CCDC186: variants seen among roughly 807,000 people sequenced by gnomAD.
CCDC186 encodes coiled-coil domain-containing protein 186.
Under a neutral mutation model 113.7 loss-of-function variants are expected in CCDC186, and 49 were observed. That is an observed-to-expected ratio of 0.43 (90% CI 0.34 to 0.55). CCDC186 has a LOEUF of 0.55. Ranked by LOEUF, CCDC186 falls within the 20% of genes least tolerant of loss-of-function variation. The probability of loss-of-function intolerance (pLI) is 0.02; values close to 1 mark genes in which losing one functional copy is unlikely to be tolerated. For missense variants in CCDC186, 890 were observed against 1,011.1 expected (o/e 0.88, Z 1.62); for synonymous variants, 355 against 345.8 (o/e 1.03, Z -0.30).
chr10:114,131,467 T>C (rs1319272952), intron 11 of CCDC186, 131 bp from the exon 12 acceptor site: 6 of 758,212 alleles, frequency 7.9e-6, no homozygotes, highest in African/African-American at 7.2e-5. Flanking sequence ...TTATCAGCTT[T>C]TGTTTACTTG....
chr10:114,170,707 T>A (rs2032468681), intron 1 of CCDC186, among the ~76,000 whole-genome samples: 1 of 152,170 alleles, frequency 6.6e-6, no homozygotes, highest in Non-Finnish European at 1.5e-5. Context: ...TTGAAAAGTT[T>A]GTTTTATGAG....
intron 9 of CCDC186, 75 bp downstream of exon 9, chr10:114,135,816 C>T: frequency 8.3e-7 from 1 of 1,209,902 alleles, no homozygotes; most frequent in Middle Eastern, 1.9e-4. Flanking sequence ...TTCCCCACCA[C>T]TTTAAAAATC....
In CCDC186 at chr10:114,124,826, A is replaced by T. The variant is rs2030837547; in HGVS notation, c.*317T>A. Reference sequence around the variant, plus strand: ...ACATTACATATTTTAAAGGGAAGAAATATGAACAAAGGGTTTTTTATAAAA... The same window carrying T: ...ACATTACATATTTTAAAGGGAAGAATTATGAACAAAGGGTTTTTTATAAAA... On this transcript the variant is annotated 3_prime_UTR_variant, in exon 16 of 16. Transcript: ENST00000369287. 4.4e-6 allele frequency: 1 copy of T among 226,676 alleles called. No individual in the cohort carries two copies. Among genetic ancestry groups the T allele is most frequent in the African/African-American group, 2.2e-5 (1 of 44,456 alleles). The allele number at this position is 226,676 out of a possible 1,614,324, so 14.0% of individuals were successfully genotyped here.
chr10:114,165,803 G>A (rs1420293409), intron 1 of CCDC186: 25 of 752,150 alleles, frequency 3.3e-5, no homozygotes, highest in South Asian at 6.0e-5. Flanking sequence ...GGCCAAGATC[G>A]TGCCATTGCA....
At chr10:114,125,462 A>C (rs892916708) in intron 15 of CCDC186, among the ~76,000 whole-genome samples, 2 of 152,188 alleles carry the variant, frequency 1.3e-5, no homozygotes, top group African/African-American at 4.8e-5. Context: ...GCATAAAATG[A>C]TTACTTACTA....
At chr10:114,136,290 T>C (rs777019773) in intron 7 of CCDC186, 44 bp from the exon 8 acceptor site, 2 of 1,434,770 alleles carry the variant, frequency 1.4e-6, no homozygotes, top group Non-Finnish European at 1.9e-6. Flanking sequence ...TTTTAACCCA[T>C]TTCCCGTTTG....
intron 1 of CCDC186, among the ~76,000 whole-genome samples, chr10:114,169,535 G>A (rs1467396592): frequency 4.6e-5 from 7 of 152,008 alleles, no homozygotes; most frequent in East Asian, 1.9e-4. Flanking sequence ...GAGCCCCTGC[G>A]CCCAGCCCAT....
At chr10:114,138,447 C>A (rs574926114) in intron 6 of CCDC186, among the ~76,000 whole-genome samples, 2 of 151,534 alleles carry the variant, frequency 1.3e-5, no homozygotes, top group Admixed American at 1.3e-4. Flanking sequence ...GTATGTGCCA[C>A]CACATTCAGC....
At chr10:114,138,387 G>A (rs191445142) in intron 6 of CCDC186, among the ~76,000 whole-genome samples, 1 of 148,424 alleles carries the variant, frequency 6.7e-6, no homozygotes, top group Non-Finnish European at 1.5e-5. Context: ...TCCGCCTCCT[G>A]GGTTCAAGTG....
chr10:114,153,034 C>T (rs981082024), intron 3 of CCDC186, among the ~76,000 whole-genome samples: 8 of 152,284 alleles, frequency 5.3e-5, no homozygotes, highest in East Asian at 1.9e-4. Flanking sequence ...GGAGACTTCA[C>T]TATCCTACTT....
At chr10:114,153,856 A>G (rs2031927840) in intron 3 of CCDC186, among the ~76,000 whole-genome samples, 1 of 151,894 alleles carries the variant, frequency 6.6e-6, no homozygotes, top group Non-Finnish European at 1.5e-5. Context: ...GACACCAGAA[A>G]AACAGCAAAC....
intron 6 of CCDC186, among the ~76,000 whole-genome samples, chr10:114,143,134 A>C (rs2119761695): frequency 6.6e-6 from 1 of 152,322 alleles, no homozygotes; most frequent in South Asian, 2.1e-4. Flanking sequence ...TTTTCTAGCA[A>C]TCTGCACCAT....
In CCDC186 at chr10:114,130,975, T is replaced by C. The variant is rs775095345; in HGVS notation, c.2101+172A>G. ...ATGTCCTTTAGCATACAAGATATCC[T>C]TTAGGATAAAAGATCGGTCATGAAA... On this transcript the variant is annotated intron_variant, in intron 12 of 15. Coordinates refer to ENST00000369287, the MANE Select transcript of CCDC186 (RefSeq NM_018017.4). 334 of 480,412 alleles carry C rather than the reference T, an allele frequency of 7.0e-4. 1 individual carries two copies. Among genetic ancestry groups the C allele is most frequent in the Non-Finnish European group, 1.0e-3 (296 of 287,446 alleles). The allele number at this position is 480,412 out of a possible 1,614,324, so 29.8% of individuals were successfully genotyped here.
chr10:114,146,070 G>A (rs1404158149), intron 4 of CCDC186, among the ~76,000 whole-genome samples: 1 of 152,252 alleles, frequency 6.6e-6, no homozygotes, highest in South Asian at 2.1e-4. Context: ...TGGTGTCCCA[G>A]GAACATGATG....
At chr10:114,131,527 A>ATG (rs1045420134) in intron 11 of CCDC186, among the ~76,000 whole-genome samples, 191 bp from the exon 12 acceptor site, 3 of 152,292 alleles carry the variant, frequency 2.0e-5, no homozygotes, top group Admixed American at 1.3e-4. Flanking sequence ...ATTAAGGAGA[A>ATG]TGTCATTCTA....
chr10:114,153,570 G>A (rs904891505), intron 3 of CCDC186, among the ~76,000 whole-genome samples: 1 of 152,004 alleles, frequency 6.6e-6, no homozygotes, highest in Non-Finnish European at 1.5e-5. Context: ...AGGCTCACTT[G>A]AGGTCAGGAG....
intron 1 of CCDC186, among the ~76,000 whole-genome samples, chr10:114,173,782 G>A (rs2032602848): frequency 1.3e-5 from 2 of 152,162 alleles, no homozygotes; most frequent in Non-Finnish European, 2.9e-5. Context: ...CAAGGTCCCG[G>A]AACCGAAGGA....
intron 14 of CCDC186, 48 bp downstream of exon 14, chr10:114,127,413 G>A: frequency 1.3e-6 from 2 of 1,527,744 alleles, no homozygotes; most frequent in Non-Finnish European, 9.0e-7. Context: ...TTTGCTATAT[G>A]AGTAACGGTA....
intron 4 of CCDC186, among the ~76,000 whole-genome samples, chr10:114,147,689 A>C (rs2031687465): frequency 6.6e-6 from 1 of 152,242 alleles, no homozygotes; most frequent in South Asian, 2.1e-4. Context: ...CATAAAGCCA[A>C]AGAAGAATTT....
Sources: gnomAD v4.1 joint callset for allele counts (sites outside exome capture counted in the v4.1 genomes callset) on GRCh38, gnomAD v4.1.1 for gene constraint, MANE v1.5 for transcripts, NCBI Gene and HGNC (gene_info 2026-07-23, HGNC 2026-07-21) for gene names.